Variants in CA10 observed in about 807,000 individuals in gnomAD.
CA10 encodes carbonic anhydrase-related protein 10.
A neutral mutation model predicts 44.2 loss-of-function variants in CA10; 14 were observed. The ratio of observed to expected loss-of-function variants is 0.32; its 90% confidence interval spans 0.21 to 0.50. The LOEUF (loss-of-function observed/expected upper bound fraction) is 0.50, where lower values mean the gene tolerates loss of function less well. Among genes scored for constraint, CA10 ranks in the 20% least tolerant of loss-of-function variants. The probability of loss-of-function intolerance (pLI) is 0.99; values close to 1 mark genes in which losing one functional copy is unlikely to be tolerated. For missense variants in CA10, 350 were observed against 409.7 expected (o/e 0.85, Z 1.26); for synonymous variants, 159 against 141.6 (o/e 1.12, Z -0.87).
intron 2 of CA10, among the ~76,000 whole-genome samples, chr17:51,932,092 G>C (rs564741371): frequency 6.6e-6 from 1 of 151,898 alleles, no homozygotes; most frequent in Non-Finnish European, 1.5e-5. Flanking sequence ...ATCACGCACT[G>C]GGTTAGGCTG....
rs971172277 is a variant in CA10 at position 52,046,050 on chromosome 17, C to T, written c.136+26269G>A. On this transcript the variant is annotated intron_variant, in intron 2 of 8. Transcript: ENST00000451037. Reference sequence around the variant, plus strand: ...CTGAATAAAAATTAAATCACACATACTAAGATTTGTGGGATGTTGCTAATG... The same window carrying T: ...CTGAATAAAAATTAAATCACACATATTAAGATTTGTGGGATGTTGCTAATG... 3.3e-4 allele frequency among the ~76,000 whole-genome samples: 50 copies of T among 151,752 alleles called. 1 individual carries two copies. Among genetic ancestry groups the T allele is most frequent in the Non-Finnish European group, 7.4e-5 (5 of 67,838 alleles).
rs781531116 is a variant in CA10 at position 51,747,713 on chromosome 17, C to G, written c.385G>C (p.Glu129Gln). 1 of 1,614,082 alleles carries G rather than the reference C, an allele frequency of 6.2e-7. No individual in the cohort carries two copies. Among genetic ancestry groups the G allele is most frequent in the African/African-American group, 1.3e-5 (1 of 74,934 alleles). The change falls in exon 4 of 9, where the codon GAG (glutamate) becomes CAG (glutamine). Residue 129 changes from glutamate to glutamine, a missense_variant. Transcript: ENST00000451037. ...GGPMTYSHRLEEIRLHFGSED... is the reference protein window; with the variant it reads ...GGPMTYSHRLQEIRLHFGSED... ...CTCCCAAAGTGTAGTCGGATCTCCT[C>G]CAGCCGGTGGCTGTATGTCATGGGC...
chr17:52,115,789 A>G (rs1988883004), intron 1 of CA10, among the ~76,000 whole-genome samples: 1 of 152,230 alleles, frequency 6.6e-6, no homozygotes, highest in African/African-American at 2.4e-5. Flanking sequence ...ACCTCAGTCC[A>G]ACAGCAATTA....
chr17:52,158,128 A>G lies in CA10; in HGVS notation c.-342T>C. The G allele has an allele frequency of 2.3e-6, 1 of 436,162 alleles. No individual in the cohort carries two copies. Among genetic ancestry groups the G allele is most frequent in the Non-Finnish European group, 4.2e-6 (1 of 236,914 alleles). The allele number at this position is 436,162 out of a possible 1,614,324, so 27.0% of individuals were successfully genotyped here. A position where few individuals can be genotyped will look rare whatever the true frequency, so the allele number is the denominator to read the frequency against. The stretch of plus-strand genomic sequence containing the variant: ...CGGCGGCGGCGGCGGCGGCGGCAGC[A>G]GCCACCTGAAGCCACCAACACTGGG... On this transcript the variant is annotated 5_prime_UTR_variant, in exon 1 of 9. Coordinates refer to ENST00000451037, the MANE Select transcript of CA10 (RefSeq NM_020178.5).
intron 3 of CA10, among the ~76,000 whole-genome samples, chr17:51,818,771 T>C (rs919157962): frequency 4.6e-5 from 7 of 152,236 alleles, no homozygotes; most frequent in African/African-American, 1.7e-4. Flanking sequence ...CATGGGATAT[T>C]GGGCTCTTTT....
At chr17:51,898,643 C>T (rs1213276699) in intron 3 of CA10, among the ~76,000 whole-genome samples, 1 of 152,018 alleles carries the variant, frequency 6.6e-6, no homozygotes, top group Non-Finnish European at 1.5e-5. Context: ...CTCTTTAACA[C>T]ATCTGGTAGA....
At chr17:51,725,332 T>C (rs1382992453) in intron 4 of CA10, among the ~76,000 whole-genome samples, 2 of 152,274 alleles carry the variant, frequency 1.3e-5, no homozygotes, top group Non-Finnish European at 2.9e-5. Flanking sequence ...GTTTTCTCAT[T>C]GCTGTCGGCT....
chr17:51,898,969 G>A (rs765562276), intron 3 of CA10, among the ~76,000 whole-genome samples: 10 of 151,580 alleles, frequency 6.6e-5, no homozygotes, highest in African/African-American at 9.7e-5. Flanking sequence ...CTAGCAGTCT[G>A]TCAATCTTAT....
intron 3 of CA10, among the ~76,000 whole-genome samples, chr17:51,922,399 A>G (rs1014200313): frequency 6.6e-6 from 1 of 152,136 alleles, no homozygotes; most frequent in Non-Finnish European, 1.5e-5. Flanking sequence ...TCCCAAATGG[A>G]GGTATACATT....
chr17:51,863,917 G>A (rs1979427722), intron 3 of CA10, among the ~76,000 whole-genome samples: 1 of 152,124 alleles, frequency 6.6e-6, no homozygotes, highest in Non-Finnish European at 1.5e-5. Flanking sequence ...TTTTTATTGA[G>A]GCTTAATTGT....
chr17:52,154,038 T>C (rs1030586037), intron 1 of CA10, among the ~76,000 whole-genome samples: 1 of 152,192 alleles, frequency 6.6e-6, no homozygotes, highest in Non-Finnish European at 1.5e-5. Flanking sequence ...CCTCATCTGT[T>C]TGATTGACAG....
intron 3 of CA10, among the ~76,000 whole-genome samples, chr17:51,817,141 A>G (rs752181722): frequency 7.2e-5 from 11 of 152,206 alleles, no homozygotes; most frequent in Admixed American, 4.6e-4. Context: ...GGAGGAGTAA[A>G]TGGGAGAACT....
At chr17:51,942,181 T>C (rs1250349391) in intron 2 of CA10, among the ~76,000 whole-genome samples, 1 of 152,108 alleles carries the variant, frequency 6.6e-6, no homozygotes, top group Non-Finnish European at 1.5e-5. Context: ...TGTCTTGAGG[T>C]TTATGTGTAT....
chr17:51,980,334 G>A (rs560510144), intron 2 of CA10, among the ~76,000 whole-genome samples: 2 of 152,170 alleles, frequency 1.3e-5, no homozygotes, highest in South Asian at 4.2e-4. Context: ...GTCTTCTTTT[G>A]AAAAGTGTCC....
At chr17:51,987,153 T>C (rs578241180) in intron 2 of CA10, among the ~76,000 whole-genome samples, 24 of 152,090 alleles carry the variant, frequency 1.6e-4, no homozygotes, top group African/African-American at 5.8e-4. Flanking sequence ...GATACAAATA[T>C]GTATATGATG....
intron 1 of CA10, among the ~76,000 whole-genome samples, chr17:52,136,575 G>A (rs1304800553): frequency 6.6e-6 from 1 of 152,198 alleles, no homozygotes; most frequent in Non-Finnish European, 1.5e-5. Flanking sequence ...TGGTATCTGT[G>A]TGTCTTGCTC....
intron 3 of CA10, 32 bp downstream of exon 3, chr17:51,930,958 A>C: frequency 6.2e-7 from 1 of 1,610,784 alleles, no homozygotes; most frequent in East Asian, 2.2e-5. Context: ...CCCCATCTTC[A>C]ACTTTACCAT....
At chr17:52,157,645 G>A in intron 1 of CA10, 81 bp downstream of exon 1, 1 of 1,271,712 alleles carries the variant, frequency 7.9e-7, no homozygotes, top group Non-Finnish European at 1.1e-6. Flanking sequence ...TCTGCCCCGC[G>A]GCTATATACA....
intron 2 of CA10, among the ~76,000 whole-genome samples, chr17:51,993,437 A>G (rs1985114971): frequency 6.6e-6 from 1 of 152,078 alleles, no homozygotes; most frequent in Non-Finnish European, 1.5e-5. Flanking sequence ...CTCAGTTGCC[A>G]CTGGAACCAA....
Sources: gnomAD v4.1 joint callset for allele counts (sites outside exome capture counted in the v4.1 genomes callset) on GRCh38, gnomAD v4.1.1 for gene constraint, MANE v1.5 for transcripts, NCBI Gene and HGNC (gene_info 2026-07-23, HGNC 2026-07-21) for gene names.